Variants in FHIT observed in about 807,000 individuals in gnomAD.
FHIT encodes bis(5'-adenosyl)-triphosphatase.
A neutral mutation model predicts 17.9 loss-of-function variants in FHIT; 19 were observed. That is an observed-to-expected ratio of 1.06 (90% CI 0.74 to 1.56). FHIT has a LOEUF of 1.56. Among genes scored for constraint, FHIT ranks in the 40% most tolerant of loss-of-function variants. FHIT has a pLI of 0.00. For missense variants in FHIT, 248 were observed against 189.2 expected (o/e 1.31, Z -1.82); for synonymous variants, 81 against 69.7 (o/e 1.16, Z -0.81).
intron 2 of FHIT, among the ~76,000 whole-genome samples, chr3:61,078,488 G>A (rs1209849546): frequency 3.3e-5 from 5 of 152,002 alleles, no homozygotes; most frequent in African/African-American, 1.2e-4. Flanking sequence ...CATTACACAG[G>A]CACCCGATAG....
chr3:60,104,053 C>T (rs375389959), intron 5 of FHIT, among the ~76,000 whole-genome samples: 14 of 152,112 alleles, frequency 9.2e-5, no homozygotes, highest in African/African-American at 3.1e-4. Flanking sequence ...TACATGAGGC[C>T]AGGATTTTGA....
At chr3:60,388,519 T>A (rs570604822) in intron 5 of FHIT, among the ~76,000 whole-genome samples, 29 of 152,202 alleles carry the variant, frequency 1.9e-4, no homozygotes, top group African/African-American at 6.7e-4. Flanking sequence ...GACAGGATCA[T>A]AAGCCCAGGA....
At chr3:60,966,212 C>A (rs1020100787) in intron 3 of FHIT, among the ~76,000 whole-genome samples, 5 of 152,194 alleles carry the variant, frequency 3.3e-5, no homozygotes, top group Non-Finnish European at 5.9e-5. Flanking sequence ...GAGAGTGAAG[C>A]CCCGTGGGCA....
chr3:60,929,891 G>A (rs1707853874), intron 3 of FHIT, among the ~76,000 whole-genome samples: 1 of 152,134 alleles, frequency 6.6e-6, no homozygotes, highest in Admixed American at 6.5e-5. Context: ...CCAAAAAAGA[G>A]CCTGCATTGC....
At chr3:61,237,596 T>C (rs918456507) in intron 1 of FHIT, among the ~76,000 whole-genome samples, 7 of 152,332 alleles carry the variant, frequency 4.6e-5, no homozygotes, top group African/African-American at 1.7e-4. Context: ...CTGGAATGCA[T>C]GTATAACTGC....
At chr3:60,745,168 G>T (rs1488674301) in intron 4 of FHIT, among the ~76,000 whole-genome samples, 2 of 152,194 alleles carry the variant, frequency 1.3e-5, no homozygotes, top group Admixed American at 6.5e-5. Flanking sequence ...CCCTCTGAAA[G>T]GTGTATAAGA....
At chr3:60,710,650 C>T (rs1463679318) in intron 4 of FHIT, among the ~76,000 whole-genome samples, 2 of 152,210 alleles carry the variant, frequency 1.3e-5, no homozygotes, top group Non-Finnish European at 2.9e-5. Flanking sequence ...GGTCCTACAC[C>T]CACGGAGTCT....
chr3:60,506,009 A>C (rs1559499211), intron 5 of FHIT, among the ~76,000 whole-genome samples: 1 of 152,146 alleles, frequency 6.6e-6, no homozygotes, highest in Non-Finnish European at 1.5e-5. Flanking sequence ...ATGACTCCTC[A>C]TTTTGTGGCA....
chr3:60,241,813 C>T (rs1199984034), intron 5 of FHIT, among the ~76,000 whole-genome samples: 1 of 152,062 alleles, frequency 6.6e-6, no homozygotes, highest in East Asian at 1.9e-4. Context: ...GACAAAGGGA[C>T]TGCTATAAAA....
At chr3:60,631,169 T>G (rs2039431629) in intron 4 of FHIT, among the ~76,000 whole-genome samples, 1 of 152,078 alleles carries the variant, frequency 6.6e-6, no homozygotes, top group Non-Finnish European at 1.5e-5. Flanking sequence ...GAGGCGCCCC[T>G]CCTCCTCTGT....
At chr3:59,801,946 A>T (rs1700011187) in intron 8 of FHIT, among the ~76,000 whole-genome samples, 1 of 152,078 alleles carries the variant, frequency 6.6e-6, no homozygotes, top group Admixed American at 6.5e-5. Context: ...ACACTCTCTC[A>T]TTTACTTGGA....
chr3:60,864,620 G>T (rs1360683159), intron 3 of FHIT, among the ~76,000 whole-genome samples: 1 of 152,110 alleles, frequency 6.6e-6, no homozygotes, highest in Non-Finnish European at 1.5e-5. Context: ...GGCAGATGAG[G>T]TTGGAGCCTA....
At chr3:60,275,547 GT>G (rs1355099532) in intron 5 of FHIT, among the ~76,000 whole-genome samples, 1 of 152,162 alleles carries the variant, frequency 6.6e-6, no homozygotes, top group Non-Finnish European at 1.5e-5. Flanking sequence ...CGGTAGTCTT[GT>G]GGAAACTTGA....
intron 5 of FHIT, among the ~76,000 whole-genome samples, chr3:60,497,473 T>C (rs2034347898): frequency 6.6e-6 from 1 of 152,238 alleles, no homozygotes; most frequent in Admixed American, 6.5e-5. Context: ...ATTTCTAAAT[T>C]TGATGAAAAT....
intron 4 of FHIT, among the ~76,000 whole-genome samples, chr3:60,777,409 T>C (rs1700245020): frequency 6.6e-6 from 1 of 152,238 alleles, no homozygotes; most frequent in Non-Finnish European, 1.5e-5. Context: ...GTTGAGTTTA[T>C]CTGAAGACCT....
chr3:60,007,912 A>G (rs1251746987), intron 7 of FHIT, among the ~76,000 whole-genome samples: 3 of 152,174 alleles, frequency 2.0e-5, no homozygotes, highest in Non-Finnish European at 4.4e-5. Flanking sequence ...GGGTAGACAA[A>G]TGGAAAAAGG....
intron 5 of FHIT, among the ~76,000 whole-genome samples, chr3:60,370,008 A>G (rs1377754018): frequency 6.6e-6 from 1 of 152,350 alleles, no homozygotes; most frequent in East Asian, 1.9e-4. Context: ...TATTTGTAAC[A>G]TATCTGTATT....
At chr3:60,454,800 A>G (rs1203673909) in intron 5 of FHIT, among the ~76,000 whole-genome samples, 1 of 152,118 alleles carries the variant, frequency 6.6e-6, no homozygotes, top group Non-Finnish European at 1.5e-5. Context: ...TTACACACAT[A>G]ACCTCATTTC....
At chr3:60,480,704 C>A (rs1396607001) in intron 5 of FHIT, among the ~76,000 whole-genome samples, 1 of 152,206 alleles carries the variant, frequency 6.6e-6, no homozygotes, top group Non-Finnish European at 1.5e-5. Flanking sequence ...CTCCATGGAT[C>A]AAATCCAGGG....
Sources: allele counts gnomAD v4.1 joint callset (sites outside exome capture counted in the v4.1 genomes callset), GRCh38; gene constraint gnomAD v4.1.1; transcripts MANE v1.5; gene names NCBI Gene and HGNC (gene_info 2026-07-23, HGNC 2026-07-21).